Variants in DST observed in about 807,000 individuals in gnomAD.
The protein encoded by DST is bullous pemphigoid antigen.
In DST, 253 loss-of-function variants were observed where a neutral mutation model predicts 875.2. The ratio of observed to expected loss-of-function variants is 0.29; its 90% CI spans 0.26 to 0.32. The LOEUF (loss-of-function observed/expected upper bound fraction) is 0.32. DST is among the 10% of genes least tolerant of loss of function. The probability of loss-of-function intolerance (pLI) is 1.00; values close to 1 mark genes in which losing one functional copy is unlikely to be tolerated. For missense variants in DST, 8,287 were observed against 9,111.6 expected (o/e 0.91, Z 3.68); for synonymous variants, 3,124 against 3,197.1 (o/e 0.98, Z 0.77).
intron 72 of DST, among the ~76,000 whole-genome samples, chr6:56,511,831 A>AAGAG (rs147190506): frequency 1.3e-5 from 2 of 151,150 alleles, no homozygotes; most frequent in Non-Finnish European, 3.0e-5. Context: ...AAGAAAGAAA[A>AAGAG]AGAGAGAGAG....
chr6:56,612,016 A>T (rs1347335126), intron 37 of DST, among the ~76,000 whole-genome samples: 2 of 152,142 alleles, frequency 1.3e-5, no homozygotes, highest in African/African-American at 4.8e-5. Flanking sequence ...TCCTAGACAC[A>T]ATGTTCCTTT....
intron 80 of DST, among the ~76,000 whole-genome samples, chr6:56,499,061 T>C (rs1316830644): frequency 6.6e-6 from 1 of 152,138 alleles, no homozygotes. Flanking sequence ...CTTAGTAATA[T>C]TAATAGTTTC....
chr6:56,953,715 A>G (rs1823583144), intron 2 of DST, 70 bp downstream of exon 2: 1 of 1,131,634 alleles, frequency 8.8e-7, no homozygotes, highest in South Asian at 1.3e-5. Context: ...CTTAACACGC[A>G]TATAATTAAT....
intron 15 of DST, 101 bp from the exon 16 acceptor site, chr6:56,642,604 A>G: frequency 6.2e-7 from 1 of 1,614,046 alleles, no homozygotes; most frequent in Non-Finnish European, 8.5e-7. Flanking sequence ...ACACAATCCC[A>G]CACCAATGAT....
intron 85 of DST, among the ~76,000 whole-genome samples, chr6:56,491,667 A>G (rs987504672): frequency 2.6e-5 from 4 of 152,188 alleles, no homozygotes; most frequent in Non-Finnish European, 4.4e-5. Context: ...GAGCTCTATT[A>G]TCTGCTCAAA....
intron 8 of DST, among the ~76,000 whole-genome samples, chr6:56,701,297 A>T (rs554199222): frequency 6.6e-6 from 1 of 152,236 alleles, no homozygotes; most frequent in Admixed American, 6.5e-5. Context: ...AGTCAAGATC[A>T]TATCCAATAT....
intron 91 of DST, among the ~76,000 whole-genome samples, chr6:56,476,839 CT>C (rs1246765848): frequency 6.6e-6 from 1 of 152,068 alleles, no homozygotes; most frequent in Non-Finnish European, 1.5e-5. Flanking sequence ...GTAATCCCAG[CT>C]ACTCGGGAGG....
chr6:56,737,835 T>C (rs2099531257), intron 4 of DST, among the ~76,000 whole-genome samples: 1 of 152,222 alleles, frequency 6.6e-6, no homozygotes, highest in Admixed American at 6.5e-5. Flanking sequence ...ATTCTGAAGT[T>C]ATAATCATAT....
chr6:56,843,556 AGGC>A, intron 4 of DST: 1 of 983,684 alleles, frequency 1.0e-6, no homozygotes, highest in Non-Finnish European at 1.2e-6. Flanking sequence ...GCCCTGCACG[AGGC>A]GCGTGCTTCG....
At chr6:56,547,343 T>C (rs1027820647) in intron 61 of DST, among the ~76,000 whole-genome samples, 1 of 152,214 alleles carries the variant, frequency 6.6e-6, no homozygotes, top group Non-Finnish European at 1.5e-5. Context: ...TTCCTAAAGT[T>C]GTTAAATGCC....
rs770973190 is a variant in DST, at chr6:56,552,967, A to G, written c.15825T>C (p.Phe5275=). 142 of 1,613,846 alleles carry G rather than the reference A, an allele frequency of 8.8e-5. No homozygotes were observed. The highest frequency in any genetic ancestry group is 1.2e-4 in the Non-Finnish European group (141 of 1,179,884). ...CTTTGGAAACTTCTTGAAATTCTTTAAACTTCTGAGTCATGTTCTCCAGAC... is the reference window on the plus strand; with the variant it reads ...CTTTGGAAACTTCTTGAAATTCTTTGAACTTCTGAGTCATGTTCTCCAGAC... ...KFCLENMTQK[F]KEFQEVSKES... is the part of the protein sequence containing the mutation. Residue 5275 remains phenylalanine, a synonymous_variant, in exon 61 of 104, where the codon TTT becomes TTC. Coordinates refer to ENST00000680361, the MANE Select transcript of DST (RefSeq NM_001374736.1).
At chr6:56,587,236 G>A (rs1287564710) in intron 49 of DST, among the ~76,000 whole-genome samples, 1 of 152,166 alleles carries the variant, frequency 6.6e-6, no homozygotes, top group Non-Finnish European at 1.5e-5. Context: ...GGAGCTGAAA[G>A]CCAAGGCTCG....
intron 4 of DST, among the ~76,000 whole-genome samples, chr6:56,814,401 C>G (rs2099764202): frequency 6.6e-6 from 1 of 152,166 alleles, no homozygotes; most frequent in South Asian, 2.1e-4. Flanking sequence ...GAGAGAATGA[C>G]AGAATGCTTC....
intron 3 of DST, among the ~76,000 whole-genome samples, chr6:56,872,282 G>A (rs1242742961): frequency 6.6e-6 from 1 of 152,128 alleles, no homozygotes; most frequent in Non-Finnish European, 1.5e-5. Flanking sequence ...AGCATATTAA[G>A]TGAAAAAAGG....
At chr6:56,547,312 C>T (rs1421704865) in intron 61 of DST, among the ~76,000 whole-genome samples, 2 of 152,136 alleles carry the variant, frequency 1.3e-5, no homozygotes, top group Admixed American at 1.3e-4. Context: ...CTCTCTTGAC[C>T]AGCATATGGA....
chr6:56,688,787 G>A (rs1436501365), intron 9 of DST, among the ~76,000 whole-genome samples: 2 of 152,140 alleles, frequency 1.3e-5, no homozygotes, highest in African/African-American at 4.8e-5. Context: ...GAGATATAAT[G>A]CACAAGGAAA....
chr6:56,713,094 G>T (rs994543741), intron 5 of DST, among the ~76,000 whole-genome samples: 1 of 152,134 alleles, frequency 6.6e-6, no homozygotes, highest in Admixed American at 6.5e-5. Context: ...CCTATCATTG[G>T]TTTTAAAGAA....
intron 12 of DST, 43 bp downstream of exon 12, chr6:56,650,883 T>C: frequency 8.0e-7 from 1 of 1,242,868 alleles, no homozygotes; most frequent in Non-Finnish European, 1.2e-6. Context: ...CAATTGGTCA[T>C]TACTGAATCA....
intron 49 of DST, among the ~76,000 whole-genome samples, chr6:56,582,998 T>A (rs1354527583): frequency 2.6e-5 from 4 of 152,188 alleles, no homozygotes; most frequent in East Asian, 1.9e-4. Flanking sequence ...TCTATCATTG[T>A]TGGACATTTG....
Sources: gnomAD v4.1 joint callset for allele counts (sites outside exome capture counted in the v4.1 genomes callset) on GRCh38, gnomAD v4.1.1 for gene constraint, MANE v1.5 for transcripts, NCBI Gene and HGNC (gene_info 2026-07-23, HGNC 2026-07-21) for gene names.